Variants in DCC observed in about 807,000 individuals in gnomAD.
The protein encoded by DCC is netrin receptor DCC.
Under a neutral mutation model 172.5 loss-of-function variants are expected in DCC, and 58 were observed. The ratio of observed to expected loss-of-function variants is 0.34; its 90% CI spans 0.27 to 0.42. The LOEUF (loss-of-function observed/expected upper bound fraction) is 0.42, where lower values mean the gene tolerates loss of function less well. Among genes scored for constraint, DCC ranks in the 10% least tolerant of loss-of-function variants. The pLI is 1.00. For missense variants in DCC, 1,740 were observed against 1,791.0 expected (o/e 0.97, Z 0.51); for synonymous variants, 709 against 644.5 (o/e 1.10, Z -1.52).
chr18:52,654,927 T>C (rs1057029767), intron 1 of DCC, among the ~76,000 whole-genome samples: 1 of 152,198 alleles, frequency 6.6e-6, no homozygotes, highest in African/African-American at 2.4e-5. Flanking sequence ...TTATTGTTTA[T>C]CTACTGTTGC....
chr18:53,526,821 G>A lies in DCC; in HGVS notation c.4254+62G>A, dbSNP rs183768470. 1.6e-3 allele frequency: 2,518 copies of A among 1,585,084 alleles called. 6 individuals are homozygous for A. The highest frequency in any genetic ancestry group is 1.8e-3 in the Non-Finnish European group (2,139 of 1,156,336). On this transcript the variant is annotated intron_variant, in intron 28 of 28. Coordinates refer to ENST00000442544, the MANE Select transcript of DCC (RefSeq NM_005215.4). ...ACAGATTGACTGGCGCTGTGTAATA[G>A]CATCTAAACCAATGAGTACTGTCCA... is the stretch of plus-strand genomic sequence containing the variant.
chr18:52,377,148 T>C (rs568628883), intron 1 of DCC, among the ~76,000 whole-genome samples: 2 of 152,308 alleles, frequency 1.3e-5, no homozygotes, highest in South Asian at 4.1e-4. Context: ...TAACTTCAGC[T>C]TTTTTTCTTC....
In DCC at chr18:53,265,116, C is replaced by A. The variant is rs141873333; in HGVS notation, c.1912-40462C>A. On this transcript the variant is annotated intron_variant, in intron 12 of 28. Coordinates refer to ENST00000442544, the MANE Select transcript of DCC (RefSeq NM_005215.4). ...AAGCATACTCCATGTCAGAAGCAAC[C>A]GGATGACATTAAGGATGCAGTCTAT... Among the ~76,000 whole-genome samples the A allele has an allele frequency of 2.1e-4, 32 of 152,238 alleles. No homozygotes were observed. In the East Asian group the frequency reaches 4.8e-3, roughly 23 times the overall value.
At chr18:53,092,974 A>AT (rs1555710241) in intron 7 of DCC, among the ~76,000 whole-genome samples, 20 of 81,360 alleles carry the variant, frequency 2.5e-4, no homozygotes, top group South Asian at 1.6e-3. Context: ...CTGCATTACT[A>AT]TTTAAAAAAA....
chr18:52,838,076 C>T (rs1386383824), intron 2 of DCC, among the ~76,000 whole-genome samples: 4 of 152,174 alleles, frequency 2.6e-5, no homozygotes, highest in Non-Finnish European at 4.4e-5. Flanking sequence ...CTCCACCTGG[C>T]TCCTCACATG....
At chr18:53,147,374 G>A (rs917122045) in intron 7 of DCC, among the ~76,000 whole-genome samples, 8 of 152,070 alleles carry the variant, frequency 5.3e-5, no homozygotes, top group Non-Finnish European at 1.2e-4. Flanking sequence ...AGGAATCTAA[G>A]GAAACATGCT....
intron 5 of DCC, among the ~76,000 whole-genome samples, chr18:52,984,369 A>C (rs1334248901): frequency 6.6e-6 from 1 of 152,126 alleles, no homozygotes; most frequent in Admixed American, 6.6e-5. Flanking sequence ...TGTGTTTGGT[A>C]ATCACTTTGA....
chr18:53,203,234 T>TGC (rs1555729706), intron 9 of DCC, among the ~76,000 whole-genome samples: 105 of 145,946 alleles, frequency 7.2e-4, no homozygotes, highest in African/African-American at 2.2e-3. Flanking sequence ...TGTGTGTGTG[T>TGC]GCGTGTGTGT....
At chr18:53,195,674 A>G (rs78522955) in intron 9 of DCC, among the ~76,000 whole-genome samples, 2,384 of 152,180 alleles carry the variant, frequency 0.016, 26 homozygotes, top group Non-Finnish European at 0.025. Flanking sequence ...TACCCATTCA[A>G]CCCATTCCTC....
At chr18:52,930,973 G>A (rs1424072031) in intron 5 of DCC, among the ~76,000 whole-genome samples, 1 of 151,890 alleles carries the variant, frequency 6.6e-6, no homozygotes, top group Non-Finnish European at 1.5e-5. Context: ...AAAAAATAGT[G>A]ATATGTTTAT....
At chr18:52,379,113 G>A (rs1046424080) in intron 1 of DCC, among the ~76,000 whole-genome samples, 5 of 152,058 alleles carry the variant, frequency 3.3e-5, no homozygotes, top group Non-Finnish European at 4.4e-5. Flanking sequence ...CAGGTGCCAC[G>A]GGAAATGTGA....
In DCC at chr18:53,030,425, T is replaced by A. The variant is rs529012914; in HGVS notation, c.986-32880T>A. 1.5e-4 allele frequency among the ~76,000 whole-genome samples: 23 copies of A among 152,180 alleles called. 1 individual carries two copies. In the South Asian group the frequency reaches 4.6e-3, roughly 30 times the overall value. ...TCTTCAACATAAAGAACAGGGTCTA[T>A]TCCATTTTCATTTCTATTTTAGTAT... On this transcript the variant is annotated intron_variant, in intron 5 of 28. Transcript: ENST00000442544.
At chr18:52,709,046 C>T (rs553877452) in intron 1 of DCC, among the ~76,000 whole-genome samples, 27 of 152,216 alleles carry the variant, frequency 1.8e-4, no homozygotes, top group Non-Finnish European at 2.8e-4. Flanking sequence ...TCTTCTTTTT[C>T]GCTACCTCCA....
intron 1 of DCC, among the ~76,000 whole-genome samples, chr18:52,540,413 C>G (rs1007241970): frequency 5.7e-4 from 86 of 151,826 alleles, no homozygotes; most frequent in Admixed American, 3.2e-3. Flanking sequence ...AGTGACAGAG[C>G]AAGACCCTGA....
chr18:53,366,958 G>A (rs1478431377), intron 15 of DCC, among the ~76,000 whole-genome samples: 2 of 152,144 alleles, frequency 1.3e-5, no homozygotes, highest in Admixed American at 6.6e-5. Flanking sequence ...ACCAACACTG[G>A]AATGCTCATT....
chr18:53,168,645 A>G (rs1182147184), intron 8 of DCC, among the ~76,000 whole-genome samples: 9 of 152,010 alleles, frequency 5.9e-5, no homozygotes. Flanking sequence ...GGTGCAGCAA[A>G]CCACCATGGC....
At chr18:52,963,011 C>G (rs1006546534) in intron 5 of DCC, among the ~76,000 whole-genome samples, 1 of 151,106 alleles carries the variant, frequency 6.6e-6, no homozygotes, top group African/African-American at 2.4e-5. Context: ...TGCTAAATGA[C>G]GAGTTGATGG....
chr18:53,149,218 C>T (rs973302420), intron 7 of DCC, among the ~76,000 whole-genome samples: 6 of 152,130 alleles, frequency 3.9e-5, no homozygotes, highest in Non-Finnish European at 7.4e-5. Context: ...AGAAACTGGA[C>T]GAGCAGAAAT....
At chr18:52,627,562 T>G (rs904508280) in intron 1 of DCC, among the ~76,000 whole-genome samples, 5 of 152,230 alleles carry the variant, frequency 3.3e-5, no homozygotes, top group African/African-American at 1.2e-4. Context: ...TTTATAAGAT[T>G]AGGTTGTTCA....
Sources: gnomAD v4.1 joint callset for allele counts (sites outside exome capture counted in the v4.1 genomes callset) on GRCh38, gnomAD v4.1.1 for gene constraint, MANE v1.5 for transcripts, NCBI Gene and HGNC (gene_info 2026-07-23, HGNC 2026-07-21) for gene names.